The following FSTL5 variants were observed in gnomAD, a reference collection of about 807,000 sequenced individuals.
FSTL5 encodes follistatin-related protein 5.
FSTL5 carries 62 observed loss-of-function variants against 89.1 expected under a neutral mutation model. The ratio of observed to expected loss-of-function variants is 0.70; its 90% confidence interval spans 0.57 to 0.86. The LOEUF (loss-of-function observed/expected upper bound fraction) is 0.86. Ranked by LOEUF, FSTL5 falls within the 40% of genes least tolerant of loss-of-function variation. FSTL5 has a pLI of 0.00. For missense variants in FSTL5, 1,057 were observed against 1,001.6 expected, an observed-to-expected ratio of 1.06 and a Z score of -0.75; for synonymous variants, 383 against 346.2, an observed-to-expected ratio of 1.11 and a Z score of -1.18.
At chr4:162,040,559 GA>G (rs35180216) in intron 2 of FSTL5, among the ~76,000 whole-genome samples, 1 of 151,688 alleles carries the variant, frequency 6.6e-6, no homozygotes, top group African/African-American at 2.4e-5. Flanking sequence ...AGTGGGCATA[GA>G]AAAAAATGCC....
intron 3 of FSTL5, among the ~76,000 whole-genome samples, chr4:161,995,452 C>T (rs1204400643): frequency 2.6e-5 from 4 of 152,106 alleles, no homozygotes; most frequent in Non-Finnish European, 5.9e-5. Context: ...TGTCAAATCT[C>T]TATGTATTAC....
chr4:161,759,581 C>A, intron 5 of FSTL5, 50 bp from the exon 6 acceptor site: 1 of 1,141,244 alleles, frequency 8.8e-7, no homozygotes, highest in Non-Finnish European at 1.2e-6. Context: ...CTTAAAATTT[C>A]TATAATATAA....
intron 4 of FSTL5, among the ~76,000 whole-genome samples, chr4:161,885,264 T>C (rs1732771017): frequency 6.6e-6 from 1 of 152,032 alleles, no homozygotes; most frequent in African/African-American, 2.4e-5. Context: ...TAAACTGGAG[T>C]ACGAGTAAAA....
chr4:161,621,183 A>G (rs1735107454), intron 7 of FSTL5, among the ~76,000 whole-genome samples: 5 of 151,968 alleles, frequency 3.3e-5, no homozygotes, highest in Admixed American at 3.3e-4. Flanking sequence ...GTATTTTCTG[A>G]TCACTGAAGA....
intron 14 of FSTL5, among the ~76,000 whole-genome samples, chr4:161,456,765 G>GT (rs1446266077): frequency 6.6e-6 from 1 of 152,166 alleles, no homozygotes; most frequent in Admixed American, 6.6e-5. Flanking sequence ...GGCAAACTTG[G>GT]TTTAAGTCTA....
chr4:161,830,954 T>C (rs966276540), intron 4 of FSTL5, among the ~76,000 whole-genome samples: 8 of 151,958 alleles, frequency 5.3e-5, no homozygotes, highest in African/African-American at 1.9e-4. Context: ...TGTGGGTCCC[T>C]ATTAGTGATA....
At chr4:161,941,286 T>C (rs1182391054) in intron 3 of FSTL5, among the ~76,000 whole-genome samples, 1 of 151,822 alleles carries the variant, frequency 6.6e-6, no homozygotes, top group African/African-American at 2.4e-5. Context: ...TAGAGAAGCA[T>C]ATTCTTCCTT....
chr4:161,664,033 C>T (rs1736803536), intron 6 of FSTL5, among the ~76,000 whole-genome samples: 1 of 152,206 alleles, frequency 6.6e-6, no homozygotes, highest in Admixed American at 6.5e-5. Context: ...CACAGAGCAA[C>T]AAGTCCCTAG....
rs745452106 is a variant in FSTL5, at chr4:161,538,153, G to T, written c.1312+13C>A. On this transcript the variant is annotated intron_variant, in intron 10 of 15. Coordinates refer to ENST00000306100, the MANE Select transcript of FSTL5 (RefSeq NM_020116.5). ...TATGGTGTGTGTGTGCTGTTGGGTG[G>T]TTCTATACATACGGGTCTTTCTAGC... is the stretch of plus-strand genomic sequence containing the variant. 6.2e-7 allele frequency: 1 copy of T among 1,613,552 alleles called. No homozygotes were observed. The highest frequency in any genetic ancestry group is 1.7e-5 in the Admixed American group (1 of 59,996).
intron 2 of FSTL5, among the ~76,000 whole-genome samples, chr4:162,052,584 G>A (rs1349571249): frequency 6.6e-6 from 1 of 151,714 alleles, no homozygotes; most frequent in Non-Finnish European, 1.5e-5. Flanking sequence ...GAGAGAGGAT[G>A]ACCATCAGAG....
intron 12 of FSTL5, among the ~76,000 whole-genome samples, chr4:161,493,832 C>T (rs75150752): frequency 0.069 from 10,447 of 152,040 alleles, 1,152 homozygotes; most frequent in African/African-American, 0.23. Flanking sequence ...ATCCAAACAC[C>T]TTGGCTACTT....
At chr4:161,542,791 T>C (rs1156646066) in intron 8 of FSTL5, 98 bp from the exon 9 acceptor site, 2 of 633,170 alleles carry the variant, frequency 3.2e-6, no homozygotes, top group Non-Finnish European at 4.8e-6. Context: ...ATAAATTATA[T>C]ATTTTAATGA....
At chr4:161,819,277 C>G (rs1182609677) in intron 4 of FSTL5, among the ~76,000 whole-genome samples, 1 of 151,930 alleles carries the variant, frequency 6.6e-6, no homozygotes, top group Non-Finnish European at 1.5e-5. Context: ...TCATGGAAAA[C>G]TAAAAATGTC....
At chr4:161,927,624 T>G (rs1346429913) in intron 3 of FSTL5, among the ~76,000 whole-genome samples, 2 of 151,728 alleles carry the variant, frequency 1.3e-5, no homozygotes, top group Non-Finnish European at 2.9e-5. Flanking sequence ...AAATTATCTT[T>G]TTACAATATA....
intron 6 of FSTL5, among the ~76,000 whole-genome samples, chr4:161,745,686 T>C (rs909789958): frequency 6.6e-6 from 1 of 152,036 alleles, no homozygotes; most frequent in Non-Finnish European, 1.5e-5. Flanking sequence ...AAATCACTCA[T>C]TGTAGCAATA....
intron 15 of FSTL5, among the ~76,000 whole-genome samples, chr4:161,444,137 C>A (rs138930907): frequency 3.2e-4 from 49 of 151,480 alleles, no homozygotes; most frequent in African/African-American, 1.1e-3. Flanking sequence ...AGTAGAGAAC[C>A]GTATGGCAAA....
chr4:161,725,991 C>A (rs1323761746), intron 6 of FSTL5, among the ~76,000 whole-genome samples: 1 of 152,112 alleles, frequency 6.6e-6, no homozygotes, highest in East Asian at 1.9e-4. Context: ...ATCCCCATAT[C>A]ACAGCTAAAG....
intron 13 of FSTL5, among the ~76,000 whole-genome samples, chr4:161,473,276 C>T (rs181564516): frequency 1.3e-5 from 2 of 152,060 alleles, no homozygotes; most frequent in Non-Finnish European, 2.9e-5. Context: ...TTGTAGAACT[C>T]CCTATTTCTC....
At chr4:161,970,807 C>CA (rs879425787) in intron 3 of FSTL5, among the ~76,000 whole-genome samples, 10 of 150,378 alleles carry the variant, frequency 6.6e-5, no homozygotes, top group South Asian at 6.3e-4. Flanking sequence ...CTCTGAATTG[C>CA]AAAAAAAAAT....
Sources: gnomAD v4.1 joint callset for allele counts (sites outside exome capture counted in the v4.1 genomes callset) on GRCh38, gnomAD v4.1.1 for gene constraint, MANE v1.5 for transcripts, NCBI Gene and HGNC (gene_info 2026-07-23, HGNC 2026-07-21) for gene names.